Variants in NCOA4 observed in about 807,000 individuals in gnomAD.
The protein encoded by NCOA4 is nuclear receptor coactivator 4.
A neutral mutation model predicts 69.5 loss-of-function variants in NCOA4; 31 were observed. The ratio of observed to expected loss-of-function variants is 0.45; its 90% CI spans 0.34 to 0.60. The LOEUF is 0.60. Ranked by LOEUF, NCOA4 falls within the 20% of genes least tolerant of loss-of-function variation. The pLI is 0.02. For missense variants in NCOA4, 600 were observed against 719.2 expected (o/e 0.83, Z 1.90); for synonymous variants, 228 against 252.4 (o/e 0.90, Z 0.92).
chr10:46,029,392 G>C (rs1840335128), intron 1 of NCOA4, among the ~76,000 whole-genome samples: 2 of 152,140 alleles, frequency 1.3e-5, no homozygotes, highest in Admixed American at 1.3e-4. Context: ...CAAGTAAATT[G>C]CCTAAGCCAC....
At chr10:46,014,624 C>A in intron 4 of NCOA4, 72 bp from the exon 5 acceptor site, 1 of 1,133,398 alleles carries the variant, frequency 8.8e-7, no homozygotes, top group Non-Finnish European at 1.3e-6. Flanking sequence ...AAAACAAAAG[C>A]CAAATTGTGA....
In NCOA4 at chr10:46,006,158, G is replaced by C. The variant is rs1435589803; in HGVS notation, c.*434C>G. ...TAATTATTTCAGACCACTAACAAAA[G>C]AAAACCCACAGCAAGAGAAGCATCT... On this transcript the variant is annotated 3_prime_UTR_variant, in exon 10 of 10. Coordinates refer to ENST00000581486, the MANE Select transcript of NCOA4 (RefSeq NM_001145263.2). 1 of 233,052 alleles carries C rather than the reference G, an allele frequency of 4.3e-6. No homozygotes were observed. The highest frequency in any genetic ancestry group is 2.2e-5 in the African/African-American group (1 of 45,220). The allele number at this position is 233,052 out of a possible 1,614,324, so 14.4% of individuals were successfully genotyped here.
In NCOA4 at chr10:46,014,900, T is replaced by C. The variant is rs1590162992; in HGVS notation, c.325A>G (p.Thr109Ala). The part of the protein sequence containing the change: ...FNCLTHQLEC[T>A]QNKDLANQVS... ...TGATTGGCTAGATCTTTGTTTTGGG[T>C]ACACTCCAGTTGATGAGTAAGACAA... Residue 109 changes from threonine (T) to alanine (A), a missense_variant, in exon 4 of 10, where the codon ACC (threonine) becomes GCC (alanine). Thr to Ala is a moderately conservative substitution (Grantham distance 58, BLOSUM62 0). Coordinates refer to ENST00000581486, the MANE Select transcript of NCOA4 (RefSeq NM_001145263.2). 1 of 1,614,020 alleles carries C rather than the reference T, an allele frequency of 6.2e-7. No homozygotes were observed. The highest frequency in any genetic ancestry group is 1.3e-5 in the African/African-American group (1 of 74,906).
At chr10:46,012,084 A>AAAAAAAAAAAAAAAAAAAC (rs1839256840) in intron 7 of NCOA4, among the ~76,000 whole-genome samples, 3 of 136,910 alleles carry the variant, frequency 2.2e-5, no homozygotes, top group African/African-American at 3.2e-5. Flanking sequence ...AAAAAAAAAA[A>AAAAAAAAAAAAAAAAAAAC]AAAAAAAAAA....
In NCOA4 at chr10:46,023,436, G is replaced by A. The variant is rs956342785; in HGVS notation, c.-14-6742C>T. 9.1e-6 allele frequency: 9 copies of A among 985,676 alleles called. No homozygotes were observed. The African/African-American group carries it at 1.4e-4, about 15-fold the overall frequency. The allele number at this position is 985,676 out of a possible 1,614,324, so 61.1% of individuals were successfully genotyped here. A position where few individuals can be genotyped will look rare whatever the true frequency, so the allele number is the denominator to read the frequency against. Reference sequence around the variant, plus strand: ...CGAGCCCGGGCCTCGTCCCGCCCACGCGTCACACGGCAACTCCAGTTCGCC... The same window carrying A: ...CGAGCCCGGGCCTCGTCCCGCCCACACGTCACACGGCAACTCCAGTTCGCC... On this transcript the variant is annotated intron_variant, in intron 1 of 9. Transcript: ENST00000581486.
intron 9 of NCOA4, among the ~76,000 whole-genome samples, chr10:46,006,825 C>CT (rs1319485571): frequency 2.0e-5 from 3 of 152,200 alleles, no homozygotes; most frequent in Non-Finnish European, 4.4e-5. Flanking sequence ...TTTCTCTTCT[C>CT]TCTCCTCAGG....
chr10:46,018,621 C>T (rs1233379767), intron 1 of NCOA4, among the ~76,000 whole-genome samples: 1 of 152,194 alleles, frequency 6.6e-6, no homozygotes, highest in Non-Finnish European at 1.5e-5. Flanking sequence ...TAAGAGACGT[C>T]TCCAGGAGGA....
chr10:46,014,456 A>G lies in NCOA4; in HGVS notation c.468T>C (p.Ser156=), dbSNP rs782058364. The G allele has an allele frequency of 6.2e-7, 1 of 1,609,408 alleles. No homozygotes were observed. Among genetic ancestry groups the G allele is most frequent in the Non-Finnish European group, 8.5e-7 (1 of 1,175,820 alleles). ...TLRQTITTFG[S]LKTIQIPEHL... Reference sequence around the variant, plus strand: ...TGAGATTACTCACAATGGTTTTGAGAGACCCAAATGTGGTGATGGTCTGGC... The same window carrying G: ...TGAGATTACTCACAATGGTTTTGAGGGACCCAAATGTGGTGATGGTCTGGC... The change falls in exon 5 of 10, where the codon TCT becomes TCC. Residue 156 remains serine (S), a synonymous_variant. Transcript: ENST00000581486.
At chr10:46,028,411 CAATT>C (rs1230340575) in intron 1 of NCOA4, among the ~76,000 whole-genome samples, 3 of 151,776 alleles carry the variant, frequency 2.0e-5, no homozygotes, top group Non-Finnish European at 4.4e-5. Context: ...AGGTGTTCAA[CAATT>C]AATTACTGAG....
At chr10:46,023,306 C>T (rs1354354589) in intron 1 of NCOA4, 2 of 985,460 alleles carry the variant, frequency 2.0e-6, no homozygotes, top group Non-Finnish European at 2.4e-6. Flanking sequence ...GCTCCCGCTA[C>T]GGCCCCTGGG....
At chr10:46,018,022 G>C (rs953768482) in intron 1 of NCOA4, among the ~76,000 whole-genome samples, 6 of 152,306 alleles carry the variant, frequency 3.9e-5, no homozygotes, top group Non-Finnish European at 7.4e-5. Flanking sequence ...AAGACTTGTG[G>C]CAAGACTATA....
intron 5 of NCOA4, among the ~76,000 whole-genome samples, chr10:46,014,048 G>A (rs868929481): frequency 3.0e-4 from 45 of 151,256 alleles, no homozygotes; most frequent in Non-Finnish European, 4.3e-4. Flanking sequence ...TTTTTTAGGC[G>A]GAGTCTCACT....
intron 7 of NCOA4, among the ~76,000 whole-genome samples, chr10:46,012,060 CAAAA>C (rs1839243740): frequency 2.9e-5 from 1 of 34,530 alleles, no homozygotes; most frequent in African/African-American, 1.4e-4. Context: ...GACTCGGTCT[CAAAA>C]AGAAAGAAAA....
At chr10:46,026,289 G>A (rs566548392) in intron 1 of NCOA4, among the ~76,000 whole-genome samples, 42 of 152,318 alleles carry the variant, frequency 2.8e-4, no homozygotes, top group African/African-American at 9.9e-4. Flanking sequence ...AATAAGTGCT[G>A]AGATAGTGTC....
rs782225024 is a variant in NCOA4, at chr10:46,013,557, G to T, written c.563C>A (p.Pro188Gln). 6.2e-7 allele frequency: 1 copy of T among 1,608,138 alleles called. No homozygotes were observed. Among genetic ancestry groups the T allele is most frequent in the East Asian group, 2.2e-5 (1 of 44,830 alleles). The change falls in exon 6 of 10, where the codon CCA becomes CAA. Residue 188 changes from proline to glutamine, a missense_variant. Physicochemically the swap from Pro to Gln is moderately conservative, Grantham distance 76. Coordinates refer to ENST00000581486, the MANE Select transcript of NCOA4 (RefSeq NM_001145263.2). ...FLEKRGCISM[P>Q]EQKSASGIVA... The stretch of plus-strand genomic sequence containing the variant: ...AACAAAATGATATTTTACCTGCTCT[G>T]GCATGGAGATACAGCCTCTCTTCTC...
In NCOA4 at chr10:46,011,096, A is replaced by G; in HGVS notation, c.825T>C (p.His275=). Residue 275 remains histidine, a synonymous_variant, in exon 8 of 10, where the codon CAT becomes CAC. Coordinates refer to ENST00000581486, the MANE Select transcript of NCOA4 (RefSeq NM_001145263.2). ...EKSSYQKCNS[H]STTSSFSIEM... The stretch of plus-strand genomic sequence containing the variant: ...CAATGGAGAAAGAACTAGTAGTGGA[A>G]TGGCTGTTACACTTTTGATAACTTG... The G allele has an allele frequency of 1.2e-6, 2 of 1,613,892 alleles. No individual in the cohort carries two copies. Among genetic ancestry groups the G allele is most frequent in the Non-Finnish European group, 1.7e-6 (2 of 1,179,836 alleles).
At chr10:46,027,334 G>C (rs1232702618) in intron 1 of NCOA4, 1 of 992,524 alleles carries the variant, frequency 1.0e-6, no homozygotes, top group Admixed American at 2.2e-5. Flanking sequence ...CAGAAGTTAA[G>C]CATTGCAATG....
chr10:46,023,392 C>G, intron 1 of NCOA4: 2 of 985,748 alleles, frequency 2.0e-6, no homozygotes, highest in Non-Finnish European at 2.4e-6. Context: ...TTACCCCTGA[C>G]CCGAGTGCGA....
At chr10:46,021,608 GT>G (rs1839871019) in intron 1 of NCOA4, among the ~76,000 whole-genome samples, 1 of 152,112 alleles carries the variant, frequency 6.6e-6, no homozygotes, top group South Asian at 2.1e-4. Flanking sequence ...AATTTTCATA[GT>G]CCTCAGTAAA....
Sources: allele counts gnomAD v4.1 joint callset (sites outside exome capture counted in the v4.1 genomes callset), GRCh38; gene constraint gnomAD v4.1.1; transcripts MANE v1.5; gene names NCBI Gene and HGNC (gene_info 2026-07-23, HGNC 2026-07-21).